NPAS3: variants seen among roughly 807,000 people sequenced by gnomAD.
NPAS3 encodes the protein neuronal PAS domain-containing protein 3.
A neutral mutation model predicts 73.1 loss-of-function variants in NPAS3; 14 were observed. The ratio of observed to expected loss-of-function variants is 0.19; its 90% CI spans 0.13 to 0.30. The LOEUF (loss-of-function observed/expected upper bound fraction) is 0.30, where lower values mean the gene tolerates loss of function less well. NPAS3 is among the 10% of genes least tolerant of loss of function. NPAS3 has a pLI of 1.00. For missense variants in NPAS3, 1,096 were observed against 1,250.0 expected (o/e 0.88, Z 1.86); for synonymous variants, 620 against 541.5 (o/e 1.14, Z -2.01).
chr14:33,230,394 G>A (rs529877153), intron 3 of NPAS3, among the ~76,000 whole-genome samples: 1 of 152,188 alleles, frequency 6.6e-6, no homozygotes, highest in African/African-American at 2.4e-5. Context: ...TTGAACCCAC[G>A]GATGGAGTTA....
At chr14:33,616,379 C>T (rs2057918523) in intron 5 of NPAS3, among the ~76,000 whole-genome samples, 1 of 152,104 alleles carries the variant, frequency 6.6e-6, no homozygotes, top group South Asian at 2.1e-4. Context: ...TTACCTTTGG[C>T]CACTTGCTGA....
chr14:33,017,292 C>T (rs1350160705), intron 1 of NPAS3, among the ~76,000 whole-genome samples: 3 of 152,226 alleles, frequency 2.0e-5, no homozygotes, highest in South Asian at 2.1e-4. Context: ...AGATGCCAGC[C>T]AGGATGCCAG....
intron 2 of NPAS3, among the ~76,000 whole-genome samples, chr14:33,147,663 C>T (rs932592521): frequency 6.7e-6 from 1 of 148,968 alleles, no homozygotes; most frequent in African/African-American, 2.5e-5. Context: ...CAACATGGCA[C>T]ATGTATACAT....
At chr14:33,732,255 T>C (rs1344299891) in intron 6 of NPAS3, among the ~76,000 whole-genome samples, 1 of 152,086 alleles carries the variant, frequency 6.6e-6, no homozygotes, top group Non-Finnish European at 1.5e-5. Context: ...ACACTTTCTC[T>C]TCAGTGCCAC....
rs1555416781 is a variant in NPAS3 at position 33,582,970 on chromosome 14, G to GTTTTTTGTTT, written c.558+22766_558+22767insGTTTTTTTTT. ...TCCTTTGGACCTAGATATTTAAAGG[G>GTTTTTTGTTT]TTTTTTTTTTTTTTTTGGCTACTGG... On this transcript the variant is annotated intron_variant, in intron 5 of 11. Coordinates refer to ENST00000356141, the Ensembl canonical transcript of NPAS3. 1.1e-4 allele frequency among the ~76,000 whole-genome samples: 10 copies of GTTTTTTGTTT among 93,298 alleles called. No individual in the cohort carries two copies. The South Asian group carries it at 1.4e-3, about 13-fold the overall frequency. 61.2% of individuals were successfully genotyped at this position (93,298 alleles called of 152,430 possible). A position where few individuals can be genotyped will look rare whatever the true frequency, so the allele number is the denominator to read the frequency against.
chr14:33,299,821 C>G (rs550330284), intron 3 of NPAS3, among the ~76,000 whole-genome samples: 1 of 152,018 alleles, frequency 6.6e-6, no homozygotes, highest in East Asian at 1.9e-4. Context: ...CATTATTTGA[C>G]CTTATTCAAT....
At chr14:33,753,026 T>C (rs2062009612) in intron 7 of NPAS3, among the ~76,000 whole-genome samples, 1 of 152,214 alleles carries the variant, frequency 6.6e-6, no homozygotes, top group Non-Finnish European at 1.5e-5. Flanking sequence ...GCACTTCAAA[T>C]TCTGCCTGCC....
At chr14:33,457,573 A>T (rs571683490) in intron 4 of NPAS3, among the ~76,000 whole-genome samples, 14 of 152,350 alleles carry the variant, frequency 9.2e-5, no homozygotes, top group African/African-American at 3.1e-4. Flanking sequence ...AGTAGGATGC[A>T]TTTGAGGACC....
At chr14:33,392,746 T>A (rs1431179304) in intron 4 of NPAS3, among the ~76,000 whole-genome samples, 1 of 152,158 alleles carries the variant, frequency 6.6e-6, no homozygotes, top group African/African-American at 2.4e-5. Flanking sequence ...ATTTTACACA[T>A]CACCGCTCGT....
chr14:33,321,222 T>C (rs559150115), intron 3 of NPAS3, among the ~76,000 whole-genome samples: 48 of 152,274 alleles, frequency 3.2e-4, no homozygotes, highest in African/African-American at 1.2e-3. Flanking sequence ...CCATTCTGCT[T>C]AATTAGTTCA....
At chr14:33,498,955 T>C (rs2052375453) in intron 4 of NPAS3, among the ~76,000 whole-genome samples, 1 of 148,238 alleles carries the variant, frequency 6.7e-6, no homozygotes, top group Non-Finnish European at 1.5e-5. Context: ...TGTGTGTGTG[T>C]GTGTGTGTGT....
At chr14:33,249,557 T>C (rs1400175937) in intron 3 of NPAS3, among the ~76,000 whole-genome samples, 3 of 152,186 alleles carry the variant, frequency 2.0e-5, no homozygotes, top group Non-Finnish European at 2.9e-5. Context: ...GCACCTCTAT[T>C]GTTTTGCTCT....
chr14:33,382,505 C>G (rs1315153), intron 4 of NPAS3, among the ~76,000 whole-genome samples: 26,697 of 151,998 alleles, frequency 0.18, 2,418 homozygotes, highest in Non-Finnish European at 0.2. Context: ...ATATAACCAG[C>G]CTCCTCTGAA....
chr14:33,025,623 G>A (rs185985556), intron 1 of NPAS3, among the ~76,000 whole-genome samples: 2 of 152,282 alleles, frequency 1.3e-5, no homozygotes, highest in East Asian at 1.9e-4. Context: ...GAGGGATCTG[G>A]TGGGAGGTGA....
chr14:32,954,033 T>G (rs1045866561), intron 1 of NPAS3, among the ~76,000 whole-genome samples: 10 of 152,270 alleles, frequency 6.6e-5, no homozygotes, highest in Admixed American at 5.2e-4. Context: ...TGGGGATTAT[T>G]ATAGAAGGAT....
chr14:33,507,906 G>A (rs1296020208), intron 4 of NPAS3, among the ~76,000 whole-genome samples: 1 of 151,908 alleles, frequency 6.6e-6, no homozygotes, highest in Non-Finnish European at 1.5e-5. Flanking sequence ...TAATGTGGAT[G>A]TGGGTATATG....
intron 2 of NPAS3, among the ~76,000 whole-genome samples, chr14:33,106,709 G>A (rs1265107388): frequency 6.6e-6 from 1 of 152,194 alleles, no homozygotes; most frequent in African/African-American, 2.4e-5. Flanking sequence ...AACATAATTT[G>A]AAGAGGCAGA....
chr14:33,607,867 A>G (rs1182717788), intron 5 of NPAS3, among the ~76,000 whole-genome samples: 3 of 152,140 alleles, frequency 2.0e-5, no homozygotes, highest in African/African-American at 7.2e-5. Flanking sequence ...TGGCAGCTGC[A>G]AGAAGAGTGA....
intron 3 of NPAS3, among the ~76,000 whole-genome samples, chr14:33,252,202 A>G (rs1459944290): frequency 6.6e-6 from 1 of 151,962 alleles, no homozygotes; most frequent in African/African-American, 2.4e-5. Flanking sequence ...TGTGAGGTAT[A>G]TGAAAACTTT....
Sources: gnomAD v4.1 joint callset for allele counts (sites outside exome capture counted in the v4.1 genomes callset) on GRCh38, gnomAD v4.1.1 for gene constraint, MANE v1.5 for transcripts, NCBI Gene and HGNC (gene_info 2026-07-23, HGNC 2026-07-21) for gene names.